Variants in NHLRC2 observed in about 807,000 individuals in gnomAD.
NHLRC2 encodes the protein NHL repeat containing 2, also known as NHL repeat-containing protein 2.
A neutral mutation model predicts 68.1 loss-of-function variants in NHLRC2; 33 were observed. The ratio of observed to expected loss-of-function variants is 0.48; its 90% CI spans 0.37 to 0.65. The LOEUF is 0.65. Ranked by LOEUF, NHLRC2 falls within the 30% of genes least tolerant of loss-of-function variation. The pLI is 0.00. For missense variants in NHLRC2, 761 were observed against 853.8 expected (o/e 0.89, Z 1.35); for synonymous variants, 311 against 309.6 (o/e 1.00, Z -0.05).
chr10:113,891,071 G>T (rs1389961460), intron 5 of NHLRC2, among the ~76,000 whole-genome samples: 1 of 152,118 alleles, frequency 6.6e-6, no homozygotes, highest in East Asian at 1.9e-4. Context: ...TCCCTCCCTC[G>T]ACTTGTGGGG....
intron 5 of NHLRC2, among the ~76,000 whole-genome samples, chr10:113,888,405 T>C (rs951106507): frequency 3.3e-5 from 5 of 152,178 alleles, no homozygotes; most frequent in African/African-American, 1.2e-4. Flanking sequence ...GATCAAAACA[T>C]GACATTGTAC....
At chr10:113,864,329 T>C (rs1261806998) in intron 2 of NHLRC2, among the ~76,000 whole-genome samples, 1 of 152,152 alleles carries the variant, frequency 6.6e-6, no homozygotes, top group Non-Finnish European at 1.5e-5. Flanking sequence ...CGCACAGCAA[T>C]AGGAATGTCC....
At chr10:113,891,901 G>A (rs1051968417) in intron 5 of NHLRC2, among the ~76,000 whole-genome samples, 5 of 152,166 alleles carry the variant, frequency 3.3e-5, no homozygotes, top group Non-Finnish European at 7.3e-5. Flanking sequence ...AATCTGTCTT[G>A]TGTCTGTGAT....
rs991373653 is a variant in NHLRC2, at chr10:113,863,430, C to T, written c.331+4750C>T. Among the ~76,000 whole-genome samples the T allele has an allele frequency of 6.6e-5, 10 of 151,954 alleles. No individual in the cohort carries two copies. The East Asian group carries it at 1.9e-3, about 29-fold the overall frequency. ...AAATACTTAGAGACGAATGAAAACACAATGTAACAAAACTTATGGCACATG... is the reference window on the plus strand; with the variant it reads ...AAATACTTAGAGACGAATGAAAACATAATGTAACAAAACTTATGGCACATG... On this transcript the variant is annotated intron_variant, in intron 2 of 10. Coordinates refer to ENST00000369301, the MANE Select transcript of NHLRC2 (RefSeq NM_198514.4).
rs765263056 is a variant in NHLRC2, at chr10:113,915,020, G to A, written c.*6484G>A. On this transcript the variant is annotated 3_prime_UTR_variant, in exon 11 of 11. Transcript: ENST00000369301. ...GGTGGAACAGGAGGCAGCCCCACTC[G>A]GCTTTTCTGATTGCATCCCACCTGT... is the stretch of plus-strand genomic sequence containing the variant. The A allele has an allele frequency of 2.0e-5, 9 of 456,112 alleles. 1 individual carries two copies. The highest frequency in any genetic ancestry group is 8.0e-5 in the African/African-American group (4 of 50,048). 28.3% of individuals were successfully genotyped at this position (456,112 alleles called of 1,614,324 possible).
chr10:113,869,302 A>G (rs1485323423), intron 2 of NHLRC2, among the ~76,000 whole-genome samples: 1 of 152,148 alleles, frequency 6.6e-6, no homozygotes. Context: ...TGGATGGATG[A>G]TGGTGCCATG....
intron 5 of NHLRC2, among the ~76,000 whole-genome samples, chr10:113,887,780 CA>C (rs1846095621): frequency 6.6e-6 from 1 of 151,930 alleles, no homozygotes; most frequent in African/African-American, 2.4e-5. Flanking sequence ...TCTAAAAAAA[CA>C]AAAAGAAAAT....
At chr10:113,879,231 C>G (rs546448440) in intron 3 of NHLRC2, among the ~76,000 whole-genome samples, 1 of 152,170 alleles carries the variant, frequency 6.6e-6, no homozygotes, top group East Asian at 1.9e-4. Context: ...ATTGTATTAT[C>G]CAAGGAGCAT....
chr10:113,891,428 C>T (rs940459686), intron 5 of NHLRC2, among the ~76,000 whole-genome samples: 5 of 152,094 alleles, frequency 3.3e-5, no homozygotes, highest in Non-Finnish European at 7.4e-5. Context: ...ATATGTCAGT[C>T]ATCTTGTATA....
intron 5 of NHLRC2, 74 bp from the exon 6 acceptor site, chr10:113,898,036 T>C: frequency 1.3e-6 from 1 of 753,316 alleles, no homozygotes; most frequent in Non-Finnish European, 2.1e-6. Context: ...TCCATAAATT[T>C]AACATTTTAA....
intron 5 of NHLRC2, among the ~76,000 whole-genome samples, chr10:113,890,298 T>C (rs1846119619): frequency 6.6e-6 from 1 of 152,232 alleles, no homozygotes; most frequent in African/African-American, 2.4e-5. Context: ...TGGATTAACA[T>C]TTTTTTCTTT....
At chr10:113,859,456 C>T (rs554287844) in intron 2 of NHLRC2, among the ~76,000 whole-genome samples, 7 of 152,100 alleles carry the variant, frequency 4.6e-5, no homozygotes, top group African/African-American at 1.2e-4. Context: ...AGACTATATA[C>T]GTGTGAAAGT....
At position 113,916,323 on chromosome 10, in the gene NHLRC2, T is replaced by G. The variant is rs1350052116; in HGVS notation, c.*7787T>G. ...TCCACAGCTTAGGCCTCCCTCTTAC[T>G]AAAAACAATAGTAGTTTCTGTAGAA... is the stretch of plus-strand genomic sequence containing the variant. On this transcript the variant is annotated 3_prime_UTR_variant, in exon 11 of 11. Coordinates refer to ENST00000369301, the MANE Select transcript of NHLRC2 (RefSeq NM_198514.4). The G allele has an allele frequency of 6.6e-6, 1 of 152,218 alleles. No individual in the cohort carries two copies. The highest frequency in any genetic ancestry group is 1.5e-5 in the Non-Finnish European group (1 of 68,034). The allele number at this position is 152,218 out of a possible 1,614,324, so 9.4% of individuals were successfully genotyped here.
rs1589550862 is a variant in NHLRC2 at position 113,908,822 on chromosome 10, G to A, written c.*286G>A. On this transcript the variant is annotated 3_prime_UTR_variant, in exon 11 of 11. Coordinates refer to ENST00000369301, the MANE Select transcript of NHLRC2 (RefSeq NM_198514.4). Reference sequence around the variant, plus strand: ...GCACAAGACTGAAGTTCACACTACAGTAGAGAATACTATAAGATAATTTGC... The same window carrying A: ...GCACAAGACTGAAGTTCACACTACAATAGAGAATACTATAAGATAATTTGC... The A allele has an allele frequency of 2.2e-5, 8 of 366,100 alleles. No individual in the cohort carries two copies. In the East Asian group the frequency reaches 3.9e-4, roughly 18 times the overall value. The allele number at this position is 366,100 out of a possible 1,614,324, so 22.7% of individuals were successfully genotyped here.
rs1342903969 is a variant in NHLRC2, at chr10:113,916,458, G to A, written c.*7922G>A. The A allele has an allele frequency of 6.6e-6, 1 of 152,102 alleles. No homozygotes were observed. The highest frequency in any genetic ancestry group is 1.5e-5 in the Non-Finnish European group (1 of 68,022). 9.4% of individuals were successfully genotyped at this position (152,102 alleles called of 1,614,324 possible). On this transcript the variant is annotated 3_prime_UTR_variant, in exon 11 of 11. Coordinates refer to ENST00000369301, the MANE Select transcript of NHLRC2 (RefSeq NM_198514.4). Reference sequence around the variant, plus strand: ...ATAATAGCTCAGTTTTTAAAGGAGGGGAACAATACCCCATGAGTTCAAATT... The same window carrying A: ...ATAATAGCTCAGTTTTTAAAGGAGGAGAACAATACCCCATGAGTTCAAATT...
chr10:113,876,528 T>C lies in NHLRC2; in HGVS notation c.339T>C (p.Leu113=), dbSNP rs1845981679. Residue 113 remains leucine, a synonymous_variant, in exon 3 of 11, where the codon CTT becomes CTC. Coordinates refer to ENST00000369301, the MANE Select transcript of NHLRC2 (RefSeq NM_198514.4). ...LEHTYSDKDG[L]LIIGVHSAKF... ...ATAATTTTTTCCTTTCAGATGGTCT[T>C]CTTATTATTGGTGTTCACTCGGCTA... The C allele has an allele frequency of 6.3e-7, 1 of 1,576,918 alleles. No individual in the cohort carries two copies. Among genetic ancestry groups the C allele is most frequent in the African/African-American group, 1.4e-5 (1 of 73,272 alleles).
At chr10:113,861,320 T>G (rs1845814262) in intron 2 of NHLRC2, among the ~76,000 whole-genome samples, 1 of 152,182 alleles carries the variant, frequency 6.6e-6, no homozygotes, top group Admixed American at 6.5e-5. Flanking sequence ...CTAAGAAGTT[T>G]AGTAAACTCC....
chr10:113,884,337 A>G lies in NHLRC2; in HGVS notation c.996A>G (p.Gln332=), dbSNP rs1166740039. ...AAGAAGGTGGAGCAAAAGGAGAACA[A>G]CAACCCATTAGTTCCCCTTGGGATG... ...TDKEGGAKGE[Q]QPISSPWDVV... The change falls in exon 5 of 11, where the codon CAA becomes CAG. Residue 332 remains glutamine, a synonymous_variant. Coordinates refer to ENST00000369301, the MANE Select transcript of NHLRC2 (RefSeq NM_198514.4). 9.3e-6 allele frequency: 15 copies of G among 1,610,730 alleles called. No homozygotes were observed. The Admixed American group carries it at 2.0e-4, about 22-fold the overall frequency.
chr10:113,869,396 A>C (rs1423129639), intron 2 of NHLRC2, among the ~76,000 whole-genome samples: 1 of 152,216 alleles, frequency 6.6e-6, no homozygotes, highest in Non-Finnish European at 1.5e-5. Context: ...CTTGCCCTTC[A>C]TTCTCCATAT....
Sources: gnomAD v4.1 joint callset for allele counts (sites outside exome capture counted in the v4.1 genomes callset) on GRCh38, gnomAD v4.1.1 for gene constraint, MANE v1.5 for transcripts, NCBI Gene and HGNC (gene_info 2026-07-23, HGNC 2026-07-21) for gene names.